The following MALRD1 variants were observed in gnomAD, a reference collection of about 807,000 sequenced individuals.
MALRD1 encodes the protein MAM and LDL-receptor class A domain-containing protein 1.
Under a neutral mutation model 242.1 loss-of-function variants are expected in MALRD1, and 247 were observed. The ratio of observed to expected loss-of-function variants is 1.02; its 90% CI spans 0.92 to 1.13. The LOEUF is 1.13. MALRD1 is among the 50% of genes most tolerant of loss of function. The pLI is 0.00. For synonymous variants in MALRD1, 995 were observed against 866.6 expected (o/e 1.15, Z -2.60); for missense variants, 2,989 against 2,533.1 (o/e 1.18, Z -3.86).
chr10:19,298,509 A>T (rs540843415), intron 21 of MALRD1, among the ~76,000 whole-genome samples: 2 of 152,056 alleles, frequency 1.3e-5, no homozygotes, highest in African/African-American at 4.8e-5. Context: ...AAGCAAGGGG[A>T]AAAGGGAAAG....
chr10:19,661,750 G>A (rs1027227646), intron 36 of MALRD1, among the ~76,000 whole-genome samples: 7 of 151,996 alleles, frequency 4.6e-5, no homozygotes, highest in East Asian at 1.9e-4. Flanking sequence ...AAACCTGCAC[G>A]TTGTGCACAT....
chr10:19,425,884 G>A (rs11009843), intron 28 of MALRD1, among the ~76,000 whole-genome samples: 2 of 152,010 alleles, frequency 1.3e-5, no homozygotes, highest in African/African-American at 4.8e-5. Context: ...TCATTCATTA[G>A]TCTTGCCTCC....
intron 28 of MALRD1, among the ~76,000 whole-genome samples, chr10:19,444,953 T>G (rs1564346257): frequency 6.6e-6 from 1 of 152,230 alleles, no homozygotes; most frequent in East Asian, 1.9e-4. Context: ...CAATCAGATG[T>G]AGATTTGGTC....
chr10:19,065,496 G>A (rs1015215254), intron 1 of MALRD1, among the ~76,000 whole-genome samples: 1 of 151,974 alleles, frequency 6.6e-6, no homozygotes, highest in Non-Finnish European at 1.5e-5. Flanking sequence ...GTTTCTGCCG[G>A]CTTCTTCACT....
At chr10:19,378,480 T>A (rs1845699892) in intron 26 of MALRD1, among the ~76,000 whole-genome samples, 1 of 152,210 alleles carries the variant, frequency 6.6e-6, no homozygotes, top group African/African-American at 2.4e-5. Flanking sequence ...ACATGCATAG[T>A]TGAAAGAACA....
At chr10:19,658,711 C>A (rs1269768940) in intron 36 of MALRD1, among the ~76,000 whole-genome samples, 2 of 152,126 alleles carry the variant, frequency 1.3e-5, no homozygotes, top group Admixed American at 1.3e-4. Context: ...AAGGTCCCTG[C>A]CAACTTGAAT....
chr10:19,628,242 AT>A (rs1267424269), intron 36 of MALRD1, among the ~76,000 whole-genome samples: 1 of 152,184 alleles, frequency 6.6e-6, no homozygotes, highest in African/African-American at 2.4e-5. Flanking sequence ...TTTTGGAAAA[AT>A]AAAGTGGCAA....
In MALRD1 at chr10:19,401,781, C is replaced by T. The variant is rs1846857751; in HGVS notation, c.4845+12172C>T. Among the ~76,000 whole-genome samples, 4 of 151,272 alleles carry T rather than the reference C, an allele frequency of 2.6e-5. No individual in the cohort carries two copies. In the South Asian group the frequency reaches 8.3e-4, roughly 31 times the overall value. ...TGGCAGCCAACAGGCACACACTGGC[C>T]ACCTCTAGTGATACGACTTTAAGAT... On this transcript the variant is annotated intron_variant, in intron 28 of 39. Coordinates refer to ENST00000454679, the MANE Select transcript of MALRD1 (RefSeq NM_001142308.3).
At chr10:19,486,301 C>T (rs1837233848) in intron 29 of MALRD1, among the ~76,000 whole-genome samples, 1 of 152,182 alleles carries the variant, frequency 6.6e-6, no homozygotes. Context: ...AACTCCTGCT[C>T]ACTCATGAAC....
intron 21 of MALRD1, among the ~76,000 whole-genome samples, chr10:19,310,931 GA>G (rs1407649160): frequency 6.6e-6 from 1 of 151,434 alleles, no homozygotes; most frequent in East Asian, 1.9e-4. Flanking sequence ...CATCTCAAGG[GA>G]AACGACACTG....
chr10:19,270,843 C>CACACAT (rs1554823235), intron 19 of MALRD1, among the ~76,000 whole-genome samples: 2 of 150,372 alleles, frequency 1.3e-5, no homozygotes, highest in South Asian at 2.1e-4. Flanking sequence ...CACACACACA[C>CACACAT]GCACACACAA....
chr10:19,358,936 A>C (rs999030576), intron 26 of MALRD1, among the ~76,000 whole-genome samples: 1 of 152,206 alleles, frequency 6.6e-6, no homozygotes, highest in African/African-American at 2.4e-5. Context: ...GCTTTCAAAA[A>C]GTCTCTAAAA....
intron 18 of MALRD1, among the ~76,000 whole-genome samples, chr10:19,218,430 T>C (rs1171922077): frequency 6.6e-6 from 1 of 152,180 alleles, no homozygotes; most frequent in African/African-American, 2.4e-5. Context: ...ATATCTCTTA[T>C]ATTTAGTTCT....
intron 36 of MALRD1, among the ~76,000 whole-genome samples, chr10:19,631,878 A>G (rs1042117310): frequency 6.6e-6 from 1 of 152,118 alleles, no homozygotes; most frequent in Non-Finnish European, 1.5e-5. Context: ...TAGATGCTGG[A>G]TATTAGACCT....
chr10:19,080,105 A>G lies in MALRD1; in HGVS notation c.341-7735A>G, dbSNP rs368790087. ...CAAGGAGAGCTACAAACTACTGCTG[A>G]AAGAAATCAGAGAAGACACAAAGAA... is the stretch of plus-strand genomic sequence containing the variant. On this transcript the variant is annotated intron_variant, in intron 2 of 39. Transcript: ENST00000454679. 1.6e-4 allele frequency among the ~76,000 whole-genome samples: 25 copies of G among 152,172 alleles called. 1 individual carries two copies. In the South Asian group the frequency reaches 2.7e-3, roughly 16 times the overall value.
intron 26 of MALRD1, among the ~76,000 whole-genome samples, chr10:19,374,108 A>C (rs1306360180): frequency 6.6e-6 from 1 of 152,210 alleles, no homozygotes; most frequent in African/African-American, 2.4e-5. Context: ...ATGTGCATAC[A>C]TTAGCTACTT....
At chr10:19,260,583 A>T (rs1418865704) in intron 19 of MALRD1, among the ~76,000 whole-genome samples, 1 of 152,154 alleles carries the variant, frequency 6.6e-6, no homozygotes, top group Non-Finnish European at 1.5e-5. Context: ...GGAGATAGAA[A>T]ATCTTTACAA....
intron 22 of MALRD1, among the ~76,000 whole-genome samples, chr10:19,327,125 G>T (rs1397296797): frequency 6.6e-6 from 1 of 152,052 alleles, no homozygotes; most frequent in Non-Finnish European, 1.5e-5. Flanking sequence ...GAAATGAGCT[G>T]ACATTGTAAC....
chr10:19,517,053 G>T lies in MALRD1; in HGVS notation c.5321-14141G>T, dbSNP rs1007828386. On this transcript the variant is annotated intron_variant, in intron 31 of 39. Coordinates refer to ENST00000454679, the MANE Select transcript of MALRD1 (RefSeq NM_001142308.3). ...TTGAGACGAGGGGTTTTAGTTGACC[G>T]AGTAATTCCTCTGGTTGAAGCAGGA... Among the ~76,000 whole-genome samples the T allele has an allele frequency of 2.6e-5, 4 of 152,278 alleles. No homozygotes were observed. In the South Asian group the frequency reaches 8.3e-4, roughly 32 times the overall value.
Sources: allele counts gnomAD v4.1 joint callset (sites outside exome capture counted in the v4.1 genomes callset), GRCh38; gene constraint gnomAD v4.1.1; transcripts MANE v1.5; gene names NCBI Gene and HGNC (gene_info 2026-07-23, HGNC 2026-07-21).